TSHZ1: variants seen among roughly 807,000 people sequenced by gnomAD.
TSHZ1 encodes the protein teashirt homolog 1.
TSHZ1 carries 12 observed loss-of-function variants against 67.1 expected under a neutral mutation model. The observed-to-expected ratio is 0.18, with a 90% CI of 0.11 to 0.29. TSHZ1 has a LOEUF of 0.29. Ranked by LOEUF, TSHZ1 falls within the 10% of genes least tolerant of loss-of-function variation. The probability of loss-of-function intolerance (pLI) is 1.00; values close to 1 mark genes in which losing one functional copy is unlikely to be tolerated. For synonymous variants in TSHZ1, 632 were observed against 622.4 expected (o/e 1.02, Z -0.23); for missense variants, 1,305 against 1,413.9 (o/e 0.92, Z 1.23).
chr18:75,237,882 G>A (rs1227024260), intron 1 of TSHZ1, among the ~76,000 whole-genome samples: 1 of 151,686 alleles, frequency 6.6e-6, no homozygotes, highest in Non-Finnish European at 1.5e-5. Context: ...GCGTGATCTC[G>A]CCTCTCTGCA....
At chr18:75,242,431 C>T (rs914252080) in intron 1 of TSHZ1, among the ~76,000 whole-genome samples, 1 of 152,166 alleles carries the variant, frequency 6.6e-6, no homozygotes, top group African/African-American at 2.4e-5. Flanking sequence ...AAGAAAGGTC[C>T]CCAATTGCTT....
chr18:75,260,699 T>C (rs535117059), intron 1 of TSHZ1, among the ~76,000 whole-genome samples: 13 of 152,310 alleles, frequency 8.5e-5, no homozygotes, highest in Admixed American at 2.6e-4. Context: ...GCCTTTTCAC[T>C]GGGAGTTTCC....
At chr18:75,215,449 C>T (rs1240368999) in intron 1 of TSHZ1, among the ~76,000 whole-genome samples, 2 of 152,156 alleles carry the variant, frequency 1.3e-5, no homozygotes, top group African/African-American at 4.8e-5. Context: ...CCCTGGCACA[C>T]ACACACAAAG....
intron 1 of TSHZ1, among the ~76,000 whole-genome samples, chr18:75,270,884 T>G (rs376718373): frequency 1.3e-5 from 2 of 152,322 alleles, no homozygotes; most frequent in South Asian, 2.1e-4. Flanking sequence ...CTCAACATTG[T>G]TCTCCAAGCA....
chr18:75,289,888 A>G lies in TSHZ1; in HGVS notation c.*1247A>G, dbSNP rs1299411379. 6.0e-6 allele frequency: 1 copy of G among 167,112 alleles called. No homozygotes were observed. The highest frequency in any genetic ancestry group is 2.4e-5 in the African/African-American group (1 of 41,460). The allele number at this position is 167,112 out of a possible 1,614,324, so 10.4% of individuals were successfully genotyped here. On this transcript the variant is annotated 3_prime_UTR_variant, in exon 2 of 2. Coordinates refer to ENST00000580243, the MANE Select transcript of TSHZ1 (RefSeq NM_001308210.2). ...TTGTACAGTACATTTTGGTTCACACAATTAAATCCACTGTTTTCTCAGATG... is the reference window on the plus strand; with the variant it reads ...TTGTACAGTACATTTTGGTTCACACGATTAAATCCACTGTTTTCTCAGATG...
chr18:75,269,638 A>G (rs573625703), intron 1 of TSHZ1, among the ~76,000 whole-genome samples: 3 of 152,376 alleles, frequency 2.0e-5, no homozygotes, highest in Admixed American at 2.0e-4. Flanking sequence ...AGTAAAATGT[A>G]CAAAATTGAT....
At chr18:75,212,075 C>A (rs968412243) in intron 1 of TSHZ1, among the ~76,000 whole-genome samples, 159 bp downstream of exon 1, 1 of 151,980 alleles carries the variant, frequency 6.6e-6, no homozygotes, top group Non-Finnish European at 1.5e-5. Context: ...AGGCTGCGGT[C>A]GCCGTCCTCC....
At chr18:75,266,012 C>T (rs911680413) in intron 1 of TSHZ1, among the ~76,000 whole-genome samples, 5 of 152,198 alleles carry the variant, frequency 3.3e-5, no homozygotes, top group Non-Finnish European at 7.3e-5. Flanking sequence ...ATGGTATCAA[C>T]ATTGTATTAC....
chr18:75,249,581 C>G (rs533532478), intron 1 of TSHZ1, among the ~76,000 whole-genome samples: 2 of 151,078 alleles, frequency 1.3e-5, no homozygotes, highest in East Asian at 3.9e-4. Flanking sequence ...GTGGGGGATG[C>G]ATGACCTCCT....
rs1330022223 is a variant in TSHZ1 at position 75,211,567 on chromosome 18, C to G, written c.-310C>G. 1 of 140,972 alleles carries G rather than the reference C, an allele frequency of 7.1e-6. No homozygotes were observed. The highest frequency in any genetic ancestry group is 1.6e-5 in the Non-Finnish European group (1 of 64,198). The allele number at this position is 140,972 out of a possible 1,614,324, so 8.7% of individuals were successfully genotyped here. A position where few individuals can be genotyped will look rare whatever the true frequency, so the allele number is the denominator to read the frequency against. On this transcript the variant is annotated 5_prime_UTR_variant, in exon 1 of 2. Coordinates refer to ENST00000580243, the MANE Select transcript of TSHZ1 (RefSeq NM_001308210.2). ...GCCGCGGGCCGGCCCGCCGAGCGCC[C>G]GCTGCTGCGCCCGCGGCCCGCGCCG...
Position 75,211,286 on chromosome 18 carries a change from C to G in TSHZ1, c.-591C>G, listed in dbSNP as rs2022678661. 1 of 152,038 alleles carries G rather than the reference C, an allele frequency of 6.6e-6. No homozygotes were observed. Among genetic ancestry groups the G allele is most frequent in the Admixed American group, 6.5e-5 (1 of 15,270 alleles). 9.4% of individuals were successfully genotyped at this position (152,038 alleles called of 1,614,324 possible). Reference sequence around the variant, plus strand: ...ACTCCTCTGTCTTGTTTGCTTTCTTCCTCTTAGACTAAGTGCGGGGAGGAA... The same window carrying G: ...ACTCCTCTGTCTTGTTTGCTTTCTTGCTCTTAGACTAAGTGCGGGGAGGAA... On this transcript the variant is annotated 5_prime_UTR_variant, in exon 1 of 2. Coordinates refer to ENST00000580243, the MANE Select transcript of TSHZ1 (RefSeq NM_001308210.2).
In TSHZ1 at chr18:75,280,946, G is replaced by A. The variant is rs143282677; in HGVS notation, c.41-4502G>A. On this transcript the variant is annotated intron_variant, in intron 1 of 1. Transcript: ENST00000580243. ...AGTAGCTCACACCAGGCAGAGAGTC[G>A]GGGAGGGCTGGCATCCAGACTGGGC... 1.0e-3 allele frequency: 451 copies of A among 444,592 alleles called. 2 individuals are homozygous for A. Among genetic ancestry groups the A allele is most frequent in the African/African-American group, 9.1e-3 (427 of 46,844 alleles). The allele number at this position is 444,592 out of a possible 1,614,324, so 27.5% of individuals were successfully genotyped here.
chr18:75,285,413 ACTT>A (rs776377923), intron 1 of TSHZ1, 32 bp from the exon 2 acceptor site: 1 of 1,425,502 alleles, frequency 7.0e-7, no homozygotes, highest in Non-Finnish European at 9.2e-7. Context: ...AAGATGATTT[ACTT>A]CTTCTAACTG....
rs1013650292 is a variant in TSHZ1, at chr18:75,250,983, G to A, written c.41-34465G>A. On this transcript the variant is annotated intron_variant, in intron 1 of 1. Coordinates refer to ENST00000580243, the MANE Select transcript of TSHZ1 (RefSeq NM_001308210.2). ...GCGGGGACATGCCTCTTTGCAATGA[G>A]TGTAGTAGTTAACCCCATGCACAGG... Among the ~76,000 whole-genome samples the A allele has an allele frequency of 2.6e-5, 4 of 152,212 alleles. No individual in the cohort carries two copies. In the South Asian group the frequency reaches 8.3e-4, roughly 32 times the overall value.
chr18:75,264,484 ATT>A (rs60144564), intron 1 of TSHZ1, among the ~76,000 whole-genome samples: 1,813 of 146,516 alleles, frequency 0.012, 21 homozygotes, highest in Middle Eastern at 0.056. Flanking sequence ...ACACTGACAG[ATT>A]TTTTTTTTTT....
intron 1 of TSHZ1, among the ~76,000 whole-genome samples, chr18:75,223,699 C>A (rs1458981653): frequency 6.6e-6 from 1 of 151,998 alleles, no homozygotes; most frequent in African/African-American, 2.4e-5. Context: ...CCTCCTCACT[C>A]GAGTTTGTAG....
At position 75,261,327 on chromosome 18, in the gene TSHZ1, G is replaced by T. The variant is rs148188043; in HGVS notation, c.41-24121G>T. Among the ~76,000 whole-genome samples, 426 of 152,228 alleles carry T rather than the reference G, an allele frequency of 2.8e-3. 3 individuals are homozygous for T. Among genetic ancestry groups the T allele is most frequent in the African/African-American group, 9.9e-3 (413 of 41,532 alleles). On this transcript the variant is annotated intron_variant, in intron 1 of 1. Coordinates refer to ENST00000580243, the MANE Select transcript of TSHZ1 (RefSeq NM_001308210.2). ...ACAACATCATTGTAACACATTTATG[G>T]CCTTCCCAGGGTGATTCTTTTGAAG...
chr18:75,279,894 A>G (rs142112228), intron 1 of TSHZ1, among the ~76,000 whole-genome samples: 45 of 152,348 alleles, frequency 3.0e-4, no homozygotes, highest in African/African-American at 9.9e-4. Context: ...AATTTATTCC[A>G]GTAATGGTGT....
rs576288149 is a variant in TSHZ1 at position 75,230,246 on chromosome 18, C to T, written c.40+18330C>T. On this transcript the variant is annotated intron_variant, in intron 1 of 1. Coordinates refer to ENST00000580243, the MANE Select transcript of TSHZ1 (RefSeq NM_001308210.2). The stretch of plus-strand genomic sequence containing the variant: ...CTTTGTGATGTAGGACTGCCGTTTC[C>T]TGATTAAAAGCTGTTTGGTGATGAG... Among the ~76,000 whole-genome samples, 14 of 152,274 alleles carry T rather than the reference C, an allele frequency of 9.2e-5. No homozygotes were observed. In the East Asian group the frequency reaches 2.7e-3, roughly 29 times the overall value.
Sources: allele counts gnomAD v4.1 joint callset (sites outside exome capture counted in the v4.1 genomes callset), GRCh38; gene constraint gnomAD v4.1.1; transcripts MANE v1.5; gene names NCBI Gene and HGNC (gene_info 2026-07-23, HGNC 2026-07-21).